Variants in KCNU1 observed in about 807,000 individuals in gnomAD.
KCNU1 encodes the protein potassium channel subfamily U member 1.
In KCNU1, 93 loss-of-function variants were observed where a neutral mutation model predicts 126.8. The observed-to-expected ratio is 0.73, with a 90% CI of 0.62 to 0.87. KCNU1 has a LOEUF of 0.87. Ranked by LOEUF, KCNU1 falls within the 40% of genes least tolerant of loss-of-function variation. The pLI is 0.00. For synonymous variants in KCNU1, 523 were observed against 494.2 expected (o/e 1.06, Z -0.77); for missense variants, 1,330 against 1,367.1 (o/e 0.97, Z 0.43).
intron 20 of KCNU1, among the ~76,000 whole-genome samples, chr8:36,907,842 C>A (rs1283789985): frequency 6.6e-6 from 1 of 152,144 alleles, no homozygotes; most frequent in African/African-American, 2.4e-5. Flanking sequence ...TTACTCTGTA[C>A]CAGCTTCTAA....
chr8:36,836,997 A>G, intron 14 of KCNU1, 52 bp downstream of exon 14: 1 of 1,577,492 alleles, frequency 6.3e-7, no homozygotes, highest in Non-Finnish European at 8.7e-7. Context: ...TGTCCTACAT[A>G]TTAAGATCAG....
intron 19 of KCNU1, chr8:36,888,712 G>T (rs764499550): frequency 3.7e-6 from 2 of 534,526 alleles, no homozygotes; most frequent in South Asian, 2.8e-5. Flanking sequence ...ACCATCACTT[G>T]CAGGAAAGCA....
At chr8:36,840,439 G>T (rs764835738) in intron 14 of KCNU1, 24 bp from the exon 15 acceptor site, 9 of 1,143,192 alleles carry the variant, frequency 7.9e-6, no homozygotes, top group Non-Finnish European at 1.2e-5. Context: ...GTTTTGCTTC[G>T]TGTGGCATGA....
intron 11 of KCNU1, among the ~76,000 whole-genome samples, chr8:36,833,882 T>C (rs1804650739): frequency 6.6e-6 from 1 of 152,166 alleles, no homozygotes; most frequent in African/African-American, 2.4e-5. Context: ...AACACTTATA[T>C]TTAAATTATT....
At chr8:36,887,007 A>G (rs1210698588) in intron 19 of KCNU1, among the ~76,000 whole-genome samples, 2 of 152,146 alleles carry the variant, frequency 1.3e-5, no homozygotes, top group African/African-American at 4.8e-5. Context: ...GTAGTATTCC[A>G]TGGTGTATAT....
intron 19 of KCNU1, chr8:36,888,720 G>C (rs1324356913): frequency 1.9e-6 from 1 of 534,516 alleles, no homozygotes; most frequent in African/African-American, 1.9e-5. Context: ...TTGCAGGAAA[G>C]CATCTTCACA....
At chr8:36,834,914 C>G in intron 12 of KCNU1, 46 bp downstream of exon 12, 1 of 1,307,736 alleles carries the variant, frequency 7.6e-7, no homozygotes, top group South Asian at 1.3e-5. Context: ...TTTTTTCTAT[C>G]TCTTTTAAAG....
intron 2 of KCNU1, among the ~76,000 whole-genome samples, chr8:36,796,688 T>C (rs891785732): frequency 6.6e-6 from 1 of 152,220 alleles, no homozygotes; most frequent in Non-Finnish European, 1.5e-5. Context: ...GTAACATTGA[T>C]CCTCCTGTTT....
At chr8:36,838,499 T>C (rs1345791673) in intron 14 of KCNU1, among the ~76,000 whole-genome samples, 1 of 152,132 alleles carries the variant, frequency 6.6e-6, no homozygotes, top group Non-Finnish European at 1.5e-5. Context: ...GAGACCAACC[T>C]TGCCAACGTA....
intron 10 of KCNU1, among the ~76,000 whole-genome samples, chr8:36,833,265 CTTCT>C (rs1804621235): frequency 6.6e-6 from 1 of 151,992 alleles, no homozygotes; most frequent in Non-Finnish European, 1.5e-5. Context: ...TCAATTTCTC[CTTCT>C]AATTTTTTTC....
At chr8:36,935,491 A>C (rs537088127) in intron 26 of KCNU1, 24 bp from the exon 27 acceptor site, 3 of 1,554,910 alleles carry the variant, frequency 1.9e-6, no homozygotes, top group Non-Finnish European at 2.6e-6. Flanking sequence ...GAACCTCAGC[A>C]TTTATCTTTG....
chr8:36,808,877 CCT>C, intron 7 of KCNU1, 84 bp downstream of exon 7: 1 of 936,060 alleles, frequency 1.1e-6, no homozygotes, highest in South Asian at 1.4e-5. Flanking sequence ...CTGCTGAGCC[CCT>C]GTCTCCATCA....
At chr8:36,863,911 A>G (rs1053162299) in intron 18 of KCNU1, among the ~76,000 whole-genome samples, 1 of 152,164 alleles carries the variant, frequency 6.6e-6, no homozygotes, top group Non-Finnish European at 1.5e-5. Flanking sequence ...AAAAGTTTTG[A>G]TATGCATTTA....
intron 20 of KCNU1, among the ~76,000 whole-genome samples, chr8:36,908,352 TTCAAATGTTTGAGA>T (rs1807718508): frequency 6.6e-6 from 1 of 152,160 alleles, no homozygotes; most frequent in Middle Eastern, 3.2e-3. Flanking sequence ...ATGAGACATA[TTCAAATGTTTGAGA>T]TCAAATGAAA....
chr8:36,859,701 C>A (rs1369214441), intron 18 of KCNU1, among the ~76,000 whole-genome samples: 1 of 152,072 alleles, frequency 6.6e-6, no homozygotes, highest in African/African-American at 2.4e-5. Flanking sequence ...AAATATTTTA[C>A]AGAGGAAACA....
intron 18 of KCNU1, 21 bp downstream of exon 18, chr8:36,845,920 G>A (rs1461475767): frequency 1.4e-6 from 2 of 1,441,496 alleles, no homozygotes; most frequent in Non-Finnish European, 1.9e-6. Context: ...TTTATTTCTG[G>A]CTGTCCTTAG....
intron 18 of KCNU1, among the ~76,000 whole-genome samples, chr8:36,856,538 A>C (rs1204545598): frequency 3.5e-4 from 53 of 152,184 alleles, no homozygotes; most frequent in Admixed American, 3.5e-3. Flanking sequence ...TGGAGAGTGC[A>C]GCCTTGGACT....
At chr8:36,906,355 C>T (rs1248998490) in intron 20 of KCNU1, among the ~76,000 whole-genome samples, 2 of 152,154 alleles carry the variant, frequency 1.3e-5, no homozygotes, top group African/African-American at 2.4e-5. Context: ...ATATTACAGT[C>T]ATGTCCTTGT....
chr8:36,929,217 A>T (rs1480186087), intron 24 of KCNU1, among the ~76,000 whole-genome samples: 1 of 151,974 alleles, frequency 6.6e-6, no homozygotes, highest in Non-Finnish European at 1.5e-5. Flanking sequence ...CCATGTTTCT[A>T]CTAAAAATAC....
Sources: allele counts gnomAD v4.1 joint callset (sites outside exome capture counted in the v4.1 genomes callset), GRCh38; gene constraint gnomAD v4.1.1; transcripts MANE v1.5; gene names NCBI Gene and HGNC (gene_info 2026-07-23, HGNC 2026-07-21).